Variants in RAP1GAP observed in about 807,000 individuals in gnomAD.
RAP1GAP encodes the protein rap1 GTPase-activating protein 1.
Under a neutral mutation model 87.2 loss-of-function variants are expected in RAP1GAP, and 35 were observed. The observed-to-expected ratio is 0.40, with a 90% CI of 0.31 to 0.53. The LOEUF (loss-of-function observed/expected upper bound fraction) is 0.53, where lower values mean the gene tolerates loss of function less well. Ranked by LOEUF, RAP1GAP falls within the 20% of genes least tolerant of loss-of-function variation. The probability of loss-of-function intolerance (pLI) is 0.48; values close to 1 mark genes in which losing one functional copy is unlikely to be tolerated. For synonymous variants in RAP1GAP, 375 were observed against 363.9 expected (o/e 1.03, Z -0.35); for missense variants, 734 against 898.9 (o/e 0.82, Z 2.35).
rs2079573829 is a variant in RAP1GAP, at chr1:21,613,222, C to T, written c.482G>A (p.Cys161Tyr). 1 of 1,560,326 alleles carries T rather than the reference C, an allele frequency of 6.4e-7. No homozygotes were observed. Among genetic ancestry groups the T allele is most frequent in the African/African-American group, 1.4e-5 (1 of 73,764 alleles). The change falls in exon 10 of 25, where the codon TGT becomes TAT. Residue 161 changes from cysteine to tyrosine, a missense_variant. Transcript: ENST00000374765. The surrounding 1 kb of genome is among the most constrained non-coding windows in gnomAD (Gnocchi z 4.7). ...PNVVQMAKLV[C>Y]EDVNVDRFYP... is the part of the protein sequence containing the mutation. ...GAACCGATCCACATTGACGTCTTCA[C>T]ACACCAACTGCAGGAGGAGATAAGG...
In RAP1GAP at chr1:21,669,139, C is replaced by T; in HGVS notation, c.-149+115G>A. ...GACCCGGGTCCCCCACGCGTTCGCC[C>T]CCACCCTCCGTCCCCGCCCGCCCGC... On this transcript the variant is annotated intron_variant, in intron 1 of 24. Coordinates refer to ENST00000374765, the MANE Select transcript of RAP1GAP (RefSeq NM_002885.4). This position sits in a 1 kb window ranked among gnomAD's most constrained non-coding sequence, Gnocchi z 5.6. The T allele has an allele frequency of 2.6e-6, 3 of 1,135,298 alleles. No homozygotes were observed. Among genetic ancestry groups the T allele is most frequent in the Non-Finnish European group, 3.3e-6 (3 of 902,898 alleles). 70.3% of individuals were successfully genotyped at this position (1,135,298 alleles called of 1,614,324 possible).
Position 21,652,652 on chromosome 1 carries a change from T to C in RAP1GAP, c.-148-2856A>G, listed in dbSNP as rs139358307. On this transcript the variant is annotated intron_variant, in intron 1 of 24. Transcript: ENST00000374765. ...CCAACCTTTAGAGGGAACTGGGCTC[T>C]GAGTTCTGCAGCAGGTACTCATTCG... 2.8e-4 allele frequency among the ~76,000 whole-genome samples: 42 copies of C among 152,284 alleles called. 1 individual carries two copies. The highest frequency in any genetic ancestry group is 7.8e-4 in the Admixed American group (12 of 15,306).
intron 7 of RAP1GAP, 103 bp from the exon 8 acceptor site, chr1:21,614,192 C>T (rs2080390810): frequency 1.1e-5 from 8 of 728,732 alleles, no homozygotes; most frequent in South Asian, 3.4e-5. Context: ...GGTCCTTCGC[C>T]GATAGCAGGT....
At chr1:21,606,366 G>A (rs1176399647) in intron 17 of RAP1GAP, among the ~76,000 whole-genome samples, 169 bp from the exon 18 acceptor site, 1 of 152,230 alleles carries the variant, frequency 6.6e-6, no homozygotes, top group Non-Finnish European at 1.5e-5. Flanking sequence ...GGGAGGTGGG[G>A]CCAGGCCTCA....
At chr1:21,608,075 G>A in intron 17 of RAP1GAP, 138 bp downstream of exon 17, 5 of 1,283,588 alleles carry the variant, frequency 3.9e-6, no homozygotes, top group Non-Finnish European at 5.3e-6. Context: ...CCCCCAGTCC[G>A]GGACTCCACC....
chr1:21,602,309 C>T (rs1198042774), intron 19 of RAP1GAP, among the ~76,000 whole-genome samples: 5 of 152,304 alleles, frequency 3.3e-5, no homozygotes, highest in South Asian at 2.1e-4. Flanking sequence ...GTCAGTGACT[C>T]GCCCAAGGTC....
At chr1:21,657,919 G>A (rs1046310697) in intron 1 of RAP1GAP, among the ~76,000 whole-genome samples, 5 of 152,112 alleles carry the variant, frequency 3.3e-5, no homozygotes, top group African/African-American at 7.2e-5. Context: ...TCTCCACCCC[G>A]ACAAGGCCCT....
intron 1 of RAP1GAP, 99 bp from the exon 2 acceptor site, chr1:21,649,895 G>A (rs2096420603): frequency 1.6e-6 from 2 of 1,284,286 alleles, no homozygotes; most frequent in South Asian, 1.3e-5. Flanking sequence ...CCCTCCCAGA[G>A]GGGCTGGAGA....
At chr1:21,607,193 G>A (rs948564536) in intron 17 of RAP1GAP, among the ~76,000 whole-genome samples, 2 of 152,150 alleles carry the variant, frequency 1.3e-5, no homozygotes, top group Non-Finnish European at 2.9e-5. Flanking sequence ...CTACCACCTG[G>A]GGCCCTGTGG....
At chr1:21,610,873 C>T (rs1403431577) in intron 13 of RAP1GAP, among the ~76,000 whole-genome samples, 1 of 152,212 alleles carries the variant, frequency 6.6e-6, no homozygotes, top group Non-Finnish European at 1.5e-5. Flanking sequence ...CCATTTTTCT[C>T]ACATTTCCTT....
Position 21,663,943 on chromosome 1 carries a change from A to C in RAP1GAP, c.-149+5311T>G, listed in dbSNP as rs544673218. 2.6e-5 allele frequency among the ~76,000 whole-genome samples: 4 copies of C among 152,274 alleles called. No individual in the cohort carries two copies. The South Asian group carries it at 8.3e-4, about 32-fold the overall frequency. ...CTGCAATTCCCCCAGAGATACAACA[A>C]CACACTTGAGGCTCACACAACACAG... is the stretch of plus-strand genomic sequence containing the variant. On this transcript the variant is annotated intron_variant, in intron 1 of 24. Coordinates refer to ENST00000374765, the MANE Select transcript of RAP1GAP (RefSeq NM_002885.4).
intron 2 of RAP1GAP, among the ~76,000 whole-genome samples, chr1:21,641,547 G>T (rs965581783): frequency 2.0e-5 from 3 of 152,172 alleles, no homozygotes; most frequent in Admixed American, 6.5e-5. Flanking sequence ...GATAACATGC[G>T]TGAAGCAAGG....
At chr1:21,633,577 G>C (rs2094181933) in intron 2 of RAP1GAP, among the ~76,000 whole-genome samples, 1 of 152,164 alleles carries the variant, frequency 6.6e-6, no homozygotes. Context: ...AGCAAGAGCA[G>C]GAGGAGCCCA....
intron 16 of RAP1GAP, 139 bp downstream of exon 16, chr1:21,608,711 G>C: frequency 3.6e-6 from 3 of 834,542 alleles, no homozygotes; most frequent in Non-Finnish European, 5.8e-6. Context: ...CCTCCTACTC[G>C]TCCATCAATC....
At chr1:21,662,292 A>C (rs143837433) in intron 1 of RAP1GAP, among the ~76,000 whole-genome samples, 4,114 of 152,270 alleles carry the variant, frequency 0.027, 73 homozygotes, top group Middle Eastern at 0.044. Context: ...CCAGATGTGA[A>C]AGTCCTTTGT....
chr1:21,658,855 T>C (rs1380917069), intron 1 of RAP1GAP, among the ~76,000 whole-genome samples: 2 of 151,612 alleles, frequency 1.3e-5, no homozygotes, highest in Admixed American at 1.3e-4. Flanking sequence ...TTTTCATCTC[T>C]TATGCCAGTA....
chr1:21,657,078 T>G (rs1211456645), intron 1 of RAP1GAP, among the ~76,000 whole-genome samples: 1 of 152,234 alleles, frequency 6.6e-6, no homozygotes, highest in African/African-American at 2.4e-5. Flanking sequence ...GCACACAAAC[T>G]TTCCCAGGTC....
chr1:21,632,394 G>A lies in RAP1GAP; in HGVS notation c.-112-5997C>T, dbSNP rs114412047. The stretch of plus-strand genomic sequence containing the variant: ...TACTTTTCAAAAGCCTTCTTTATCT[G>A]CTCACTCCTGGGACTCTCACCGGAA... On this transcript the variant is annotated intron_variant, in intron 2 of 24. Coordinates refer to ENST00000374765, the MANE Select transcript of RAP1GAP (RefSeq NM_002885.4). Among the ~76,000 whole-genome samples, 800 of 152,264 alleles carry A rather than the reference G, an allele frequency of 5.3e-3. 2 individuals carry two copies. The highest frequency in any genetic ancestry group is 7.2e-3 in the Non-Finnish European group (492 of 68,024).
chr1:21,628,007 C>T (rs1028724988), intron 2 of RAP1GAP, among the ~76,000 whole-genome samples: 11 of 152,316 alleles, frequency 7.2e-5, no homozygotes, highest in African/African-American at 2.6e-4. Flanking sequence ...CAAAAACATT[C>T]ATCGCAGAGC....
Sources: gnomAD v4.1 joint callset for allele counts (sites outside exome capture counted in the v4.1 genomes callset) on GRCh38, gnomAD v4.1.1 for gene constraint, Gnocchi (gnomAD v3.1) non-coding constraint, MANE v1.5 for transcripts, NCBI Gene and HGNC (gene_info 2026-07-23, HGNC 2026-07-21) for gene names.